The following SUPT3H variants were observed in gnomAD, a reference collection of about 807,000 sequenced individuals.
SUPT3H encodes SPT3 homolog, SAGA and STAGA complex component.
SUPT3H carries 44 observed loss-of-function variants against 44.3 expected under a neutral mutation model. The ratio of observed to expected loss-of-function variants is 0.99; its 90% CI spans 0.78 to 1.28. SUPT3H has a LOEUF of 1.28. SUPT3H is among the 50% of genes most tolerant of loss of function. The pLI is 0.00. For synonymous variants in SUPT3H, 124 were observed against 125.6 expected (o/e 0.99, Z 0.09); for missense variants, 380 against 387.1 (o/e 0.98, Z 0.15).
intron 2 of SUPT3H, among the ~76,000 whole-genome samples, chr6:45,235,322 G>A (rs1343390716): frequency 6.6e-6 from 1 of 152,030 alleles, no homozygotes; most frequent in Admixed American, 6.6e-5. Context: ...TCTCCATTCT[G>A]TACTGTACAT....
intron 2 of SUPT3H, among the ~76,000 whole-genome samples, chr6:45,122,751 G>A (rs570720044): frequency 4.8e-4 from 73 of 152,156 alleles, no homozygotes; most frequent in African/African-American, 1.6e-3. Flanking sequence ...CAAATTAAAC[G>A]AGAGGCACTT....
intron 2 of SUPT3H, among the ~76,000 whole-genome samples, chr6:45,312,003 C>T (rs1370953371): frequency 3.9e-5 from 6 of 152,110 alleles, no homozygotes; most frequent in African/African-American, 1.4e-4. Flanking sequence ...TGTAAATGGC[C>T]TAAATGCTCC....
At chr6:45,366,891 A>C (rs774058866) in intron 1 of SUPT3H, among the ~76,000 whole-genome samples, 1 of 152,156 alleles carries the variant, frequency 6.6e-6, no homozygotes, top group Non-Finnish European at 1.5e-5. Context: ...TACATCTTCT[A>C]TCTCCATCTC....
At chr6:44,950,566 C>T (rs1192505036) in intron 9 of SUPT3H, among the ~76,000 whole-genome samples, 1 of 152,080 alleles carries the variant, frequency 6.6e-6, no homozygotes, top group East Asian at 1.9e-4. Context: ...GCACTATGAT[C>T]ATGCCTGTGA....
intron 3 of SUPT3H, among the ~76,000 whole-genome samples, chr6:45,072,116 T>C (rs1794468630): frequency 1.3e-5 from 2 of 152,192 alleles, no homozygotes; most frequent in Non-Finnish European, 2.9e-5. Flanking sequence ...GAACTAATAT[T>C]ATCCCCACTT....
intron 2 of SUPT3H, among the ~76,000 whole-genome samples, chr6:45,165,830 AG>A (rs572054873): frequency 5.3e-4 from 81 of 152,352 alleles, no homozygotes; most frequent in Middle Eastern, 6.8e-3. Context: ...ACTGAAAGAA[AG>A]GGAACAGAGA....
At chr6:45,256,181 TAAATAA>T (rs1773369258) in intron 2 of SUPT3H, among the ~76,000 whole-genome samples, 1 of 152,040 alleles carries the variant, frequency 6.6e-6, no homozygotes, top group Non-Finnish European at 1.5e-5. Flanking sequence ...AAAAAATAAA[TAAATAA>T]AAATAAAACT....
chr6:44,942,401 TC>T (rs1374835585), intron 9 of SUPT3H, among the ~76,000 whole-genome samples: 3 of 152,188 alleles, frequency 2.0e-5, no homozygotes, highest in African/African-American at 7.2e-5. Flanking sequence ...TGGGTGGATT[TC>T]CTGTCTTTAC....
At chr6:44,899,684 TCAAAA>T (rs1042974666) in intron 10 of SUPT3H, among the ~76,000 whole-genome samples, 9 of 152,146 alleles carry the variant, frequency 5.9e-5, no homozygotes, top group Non-Finnish European at 8.8e-5. Flanking sequence ...GAGACTCGTC[TCAAAA>T]CAAAACAAAA....
At chr6:45,241,037 T>A (rs1397907312) in intron 2 of SUPT3H, among the ~76,000 whole-genome samples, 3 of 152,128 alleles carry the variant, frequency 2.0e-5, no homozygotes, top group African/African-American at 7.2e-5. Context: ...ATAAAAACAC[T>A]TGGAAGCTGG....
chr6:45,004,292 G>A (rs964830473), intron 5 of SUPT3H, among the ~76,000 whole-genome samples: 2 of 151,822 alleles, frequency 1.3e-5, no homozygotes, highest in African/African-American at 4.8e-5. Context: ...AATTTTAAAC[G>A]GCCATAAACT....
intron 9 of SUPT3H, among the ~76,000 whole-genome samples, chr6:44,949,037 T>C (rs1259430562): frequency 6.6e-6 from 1 of 152,208 alleles, no homozygotes; most frequent in Middle Eastern, 3.2e-3. Context: ...GTGGCACATA[T>C]ACACCATGGA....
intron 3 of SUPT3H, among the ~76,000 whole-genome samples, chr6:45,023,589 A>G (rs940811417): frequency 2.6e-5 from 4 of 152,218 alleles, no homozygotes; most frequent in Non-Finnish European, 5.9e-5. Context: ...AATATTATGC[A>G]GCCACAAAAA....
chr6:44,878,315 T>A (rs541220973), intron 10 of SUPT3H, among the ~76,000 whole-genome samples: 19 of 152,330 alleles, frequency 1.2e-4, no homozygotes, highest in Non-Finnish European at 2.6e-4. Context: ...GATGAGAAGA[T>A]ACATGTATTT....
intron 2 of SUPT3H, among the ~76,000 whole-genome samples, chr6:45,252,914 C>A (rs1772632760): frequency 6.6e-6 from 1 of 151,938 alleles, no homozygotes; most frequent in Admixed American, 6.6e-5. Flanking sequence ...GATTCAAAAA[C>A]TAACAAGCAT....
chr6:45,059,754 T>C (rs758562614), intron 3 of SUPT3H, among the ~76,000 whole-genome samples: 2 of 152,040 alleles, frequency 1.3e-5, no homozygotes. Context: ...GGTTATAAAA[T>C]ATTGATTTTA....
intron 10 of SUPT3H, among the ~76,000 whole-genome samples, chr6:44,909,032 T>A (rs1766568392): frequency 6.6e-6 from 1 of 152,152 alleles, no homozygotes; most frequent in African/African-American, 2.4e-5. Flanking sequence ...CTAGCATATA[T>A]ATGTATACAC....
At chr6:44,812,899 C>T (rs1469060916) in intron 11 of SUPT3H, among the ~76,000 whole-genome samples, 5 of 152,116 alleles carry the variant, frequency 3.3e-5, no homozygotes, top group Non-Finnish European at 5.9e-5. Context: ...CATGCAATTT[C>T]CCCTTGAAGC....
intron 2 of SUPT3H, among the ~76,000 whole-genome samples, chr6:45,237,251 T>C (rs1454599988): frequency 6.6e-6 from 1 of 152,196 alleles, no homozygotes; most frequent in Non-Finnish European, 1.5e-5. Flanking sequence ...ATTTCAATCA[T>C]TTCTCTACAG....
Sources: gnomAD v4.1 joint callset for allele counts (sites outside exome capture counted in the v4.1 genomes callset) on GRCh38, gnomAD v4.1.1 for gene constraint, MANE v1.5 for transcripts, NCBI Gene and HGNC (gene_info 2026-07-23, HGNC 2026-07-21) for gene names.